Variants in XIST observed in about 807,000 individuals in gnomAD.
The protein encoded by XIST is X inactive specific transcript (non-protein coding).
At chrX:73,827,928 A>G (rs1452754736) in exon 6 of XIST, 1 of 525,901 alleles carries the variant, frequency 1.9e-6, no homozygotes, top group Admixed American at 2.5e-5. Flanking sequence ...GGTAAGACAC[A>G]CTTTAGATAG....
At chrX:73,824,609 T>G in exon 6 of XIST, 1 of 553,837 alleles carries the variant, frequency 1.8e-6, no homozygotes. Flanking sequence ...ATGAGAATTT[T>G]GTAGAGACAA....
At position 73,828,304 on chromosome X, in the gene XIST, G is replaced by T. The variant is rs958244507; in HGVS notation, n.11917-320C>A. On this transcript the variant is annotated intron_variant and non_coding_transcript_variant, in intron 5 of 5. Coordinates refer to ENST00000429829, the Ensembl canonical transcript of XIST. ...AGTGGTCACTTATATTGTGGGAAAT[G>T]AACTTATGAGTCTTCTTGGGTTACC... 2.5e-5 allele frequency: 5 copies of T among 199,515 alleles called. No homozygotes were observed. The South Asian group carries it at 7.2e-4, about 29-fold the overall frequency. The allele number at this position is 199,515 out of a possible 1,213,427, so 16.4% of individuals were successfully genotyped here.
exon 6 of XIST, chrX:73,822,433 AT>A (rs1407884578): frequency 1.9e-6 from 1 of 514,948 alleles, no homozygotes; most frequent in Non-Finnish European, 3.5e-6. Flanking sequence ...GAAGGCATGC[AT>A]TTTTTTCCCA....
chrX:73,843,165 G>A (rs771977145), exon 1 of XIST: 2 of 556,261 alleles, frequency 3.6e-6, no homozygotes, highest in Non-Finnish European at 6.5e-6. Context: ...ACAGTCCCAG[G>A]AGAAGTTTTG....
At chrX:73,851,797 CG>C (rs748728644) in exon 1 of XIST, 1 of 558,669 alleles carries the variant, frequency 1.8e-6, no homozygotes, top group East Asian at 3.2e-5. Flanking sequence ...AGCCCTAAGC[CG>C]AGTTATGCGG....
At chrX:73,849,015 T>G (rs746921901) in exon 1 of XIST, 1 of 559,243 alleles carries the variant, frequency 1.8e-6, no homozygotes, top group South Asian at 2.2e-5. Flanking sequence ...ACTGCTGTTA[T>G]GCAAAGATGT....
At chrX:73,841,586 T>C (rs1286283139) in exon 1 of XIST, 1 of 557,046 alleles carries the variant, frequency 1.8e-6, no homozygotes, top group Non-Finnish European at 3.2e-6. Context: ...CAAAACACCC[T>C]GTACACTAGT....
rs1242938470 is a variant in XIST, at chrX:73,826,573, G to A, written n.13328C>T. 8.9e-6 allele frequency: 5 copies of A among 559,180 alleles called. No homozygotes were observed. In the South Asian group the frequency reaches 1.1e-4, roughly 12 times the overall value. The allele number at this position is 559,180 out of a possible 1,213,427, so 46.1% of individuals were successfully genotyped here. A position where few individuals can be genotyped will look rare whatever the true frequency, so the allele number is the denominator to read the frequency against. ...ACATCTCAAAAGAATCAGGCTTAAA[G>A]ATAAACAGGAGAACTGGAAATATCT... On this transcript the variant is annotated non_coding_transcript_exon_variant, in exon 6 of 6. Coordinates refer to ENST00000429829, the Ensembl canonical transcript of XIST.
chrX:73,842,366 A>G (rs1227465594), exon 1 of XIST: 1 of 549,940 alleles, frequency 1.8e-6, no homozygotes, highest in East Asian at 3.3e-5. Flanking sequence ...ACACAAAATA[A>G]AGGATGGCAA....
chrX:73,821,480 T>C (rs768432650), exon 6 of XIST: 2 of 556,337 alleles, frequency 3.6e-6, no homozygotes, highest in Non-Finnish European at 6.5e-6. Flanking sequence ...GATAAGCACT[T>C]GGACAAAAAT....
chrX:73,849,746 C>G, exon 1 of XIST: 1 of 551,867 alleles, frequency 1.8e-6, no homozygotes, highest in Non-Finnish European at 3.3e-6. Flanking sequence ...ATAGGATAAG[C>G]AATGGACAAC....
chrX:73,826,667 T>G, exon 6 of XIST: 1 of 559,133 alleles, frequency 1.8e-6, no homozygotes, highest in Admixed American at 2.2e-5. Context: ...TTTCCCCAGG[T>G]CTTCAAGCTT....
rs11553101 is a variant in XIST at position 73,847,661 on chromosome X, T to C, written n.5063A>G. ...TATAAAAGACTCAGTTCTAATCAAT[T>C]AGACATTTGAAATGTCTTAGACAAT... On this transcript the variant is annotated non_coding_transcript_exon_variant, in exon 1 of 6. Coordinates refer to ENST00000429829, the Ensembl canonical transcript of XIST. 4,433 of 522,850 alleles carry C rather than the reference T, an allele frequency of 8.5e-3. 102 individuals are homozygous for C. The highest frequency in any genetic ancestry group is 0.072 in the African/African-American group (3,139 of 43,762). The allele number at this position is 522,850 out of a possible 1,213,427, so 43.1% of individuals were successfully genotyped here.
At chrX:73,844,629 A>G in exon 1 of XIST, 1 of 557,039 alleles carries the variant, frequency 1.8e-6, no homozygotes, top group Non-Finnish European at 3.2e-6. Flanking sequence ...GGAGGAAAAG[A>G]AAGATTATGC....
chrX:73,828,065 G>T, intron 5 of XIST: 2 of 447,722 alleles, frequency 4.5e-6, no homozygotes, highest in Non-Finnish European at 7.7e-6. Flanking sequence ...AGGGGCACAA[G>T]AGGCATGAAA....
At chrX:73,851,457 C>T (rs1207369775) in exon 1 of XIST, 1 of 559,187 alleles carries the variant, frequency 1.8e-6, no homozygotes, top group Non-Finnish European at 3.2e-6. Flanking sequence ...ATGTGGCCTT[C>T]CCGCCACTTG....
At chrX:73,825,896 A>G (rs371596555) in exon 6 of XIST, 3 of 557,759 alleles carry the variant, frequency 5.4e-6, no homozygotes, top group South Asian at 2.2e-5. Context: ...AAAATCAAGG[A>G]AAGTATTAAA....
chrX:73,822,884 A>G lies in XIST; in HGVS notation n.17017T>C, dbSNP rs371712570. ...TCGAACATATCACAGCTACTCAATG[A>G]AGTTTCTTCTCAACTAAAGAAACAC... On this transcript the variant is annotated non_coding_transcript_exon_variant, in exon 6 of 6. Transcript: ENST00000429829. The G allele has an allele frequency of 9.9e-5, 55 of 556,727 alleles. No individual in the cohort carries two copies. In the African/African-American group the frequency reaches 1.0e-3, roughly 10 times the overall value. The allele number at this position is 556,727 out of a possible 1,213,427, so 45.9% of individuals were successfully genotyped here.
exon 6 of XIST, chrX:73,824,356 A>G (rs1298770696): frequency 1.9e-6 from 1 of 534,320 alleles, no homozygotes; most frequent in Non-Finnish European, 3.4e-6. Flanking sequence ...TTATAAACCT[A>G]GTACCCAGCA....
Sources: gnomAD v4.1 joint callset for allele counts on GRCh38, gnomAD v4.1.1 for gene constraint, MANE v1.5 for transcripts, NCBI Gene and HGNC (gene_info 2026-07-23, HGNC 2026-07-21) for gene names.